The following GRIK4 variants were observed in gnomAD, a reference collection of about 807,000 sequenced individuals.
GRIK4 encodes the protein glutamate receptor ionotropic, kainate 4.
In GRIK4, 40 loss-of-function variants were observed where a neutral mutation model predicts 104.9. The observed-to-expected ratio is 0.38, with a 90% CI of 0.30 to 0.50. The LOEUF is 0.50. Ranked by LOEUF, GRIK4 falls within the 20% of genes least tolerant of loss-of-function variation. GRIK4 has a pLI of 0.93. For missense variants in GRIK4, 1,047 were observed against 1,308.1 expected, an observed-to-expected ratio of 0.80 and a Z score of 3.08; for synonymous variants, 485 against 524.9, an observed-to-expected ratio of 0.92 and a Z score of 1.04.
intron 2 of GRIK4, among the ~76,000 whole-genome samples, chr11:120,657,224 C>T (rs558598599): frequency 6.0e-4 from 91 of 152,326 alleles, no homozygotes; most frequent in African/African-American, 2.1e-3. Context: ...AGATTCCTGT[C>T]CTTGCCCCAC....
rs935456838 is a variant in GRIK4 at position 120,967,010 on chromosome 11, C to CG, written c.2267-180dup. On this transcript the variant is annotated intron_variant, in intron 18 of 20. Coordinates refer to ENST00000527524, the MANE Select transcript of GRIK4 (RefSeq NM_014619.5). The surrounding 1 kb of genome is among the most constrained non-coding windows in gnomAD (Gnocchi z 4.2). The stretch of plus-strand genomic sequence containing the variant: ...GTGAAGCCAGAATGCCCCGCTCTTC[C>CG]GGGGGAGCCCCAGTGGAGTAGACAG... 2.6e-5 allele frequency among the ~76,000 whole-genome samples: 4 copies of CG among 152,146 alleles called. No individual in the cohort carries two copies. Among genetic ancestry groups the CG allele is most frequent in the African/African-American group, 9.7e-5 (4 of 41,430 alleles).
chr11:120,591,911 CA>C (rs1948739037), intron 1 of GRIK4, among the ~76,000 whole-genome samples: 1 of 152,160 alleles, frequency 6.6e-6, no homozygotes, highest in South Asian at 2.1e-4. Context: ...CCAGCTGAAT[CA>C]GGGGAGAGAT....
intron 13 of GRIK4, among the ~76,000 whole-genome samples, chr11:120,908,578 A>G (rs1942923322): frequency 6.6e-6 from 1 of 152,130 alleles, no homozygotes; most frequent in South Asian, 2.1e-4. Context: ...AAGTCCACAG[A>G]CACAGAGGTG....
intron 11 of GRIK4, among the ~76,000 whole-genome samples, chr11:120,876,361 T>C (rs1283392248): frequency 2.6e-3 from 2 of 760 alleles, no homozygotes; most frequent in Non-Finnish European, 6.6e-3. Flanking sequence ...ACCACCCTCA[T>C]CACTACCACT....
Position 120,947,600 on chromosome 11 carries a change from G to A in GRIK4, c.1591-5255G>A, listed in dbSNP as rs979409351. On this transcript the variant is annotated intron_variant, in intron 14 of 20. Coordinates refer to ENST00000527524, the MANE Select transcript of GRIK4 (RefSeq NM_014619.5). ...ACTCTGTTCTAAGAAAATGGAAAAT[G>A]AATAGAGTTCTGTTCCTTAAAGCTA... is the stretch of plus-strand genomic sequence containing the variant. 1.2e-4 allele frequency among the ~76,000 whole-genome samples: 19 copies of A among 152,260 alleles called. 1 individual carries two copies. Among genetic ancestry groups the A allele is most frequent in the East Asian group, 5.8e-4 (3 of 5,192 alleles).
chr11:120,811,942 T>G (rs1402905733), intron 4 of GRIK4, among the ~76,000 whole-genome samples: 1 of 152,184 alleles, frequency 6.6e-6, no homozygotes, highest in African/African-American at 2.4e-5. Flanking sequence ...GTTCTAAGTA[T>G]GGAGGACACA....
At chr11:120,936,424 T>C in intron 13 of GRIK4, 1 of 262,044 alleles carries the variant, frequency 3.8e-6, no homozygotes, top group Non-Finnish European at 7.5e-6. Context: ...TTAGGAGAGA[T>C]ACGGGTTTCA....
chr11:120,896,221 C>G (rs1707493925), intron 11 of GRIK4, among the ~76,000 whole-genome samples: 1 of 152,186 alleles, frequency 6.6e-6, no homozygotes, highest in East Asian at 1.9e-4. Context: ...GGCAGGCTTC[C>G]TCAGGAAGAT....
At position 120,974,354 on chromosome 11, in the gene GRIK4, G is replaced by A. The variant is rs533276297; in HGVS notation, c.2395+7031G>A. Among the ~76,000 whole-genome samples the A allele has an allele frequency of 1.8e-4, 27 of 152,286 alleles. No individual in the cohort carries two copies. In the South Asian group the frequency reaches 2.5e-3, roughly 14 times the overall value. On this transcript the variant is annotated intron_variant, in intron 19 of 20. Transcript: ENST00000527524. ...AGAATTTGAATCAGTTGGCTTTCAC[G>A]TGTGCCTAAAGGAAGGAGAGAAATA...
chr11:120,749,959 G>T (rs928974375), intron 3 of GRIK4, among the ~76,000 whole-genome samples: 3 of 152,210 alleles, frequency 2.0e-5, no homozygotes, highest in Admixed American at 2.0e-4. Flanking sequence ...AATGTGCTTT[G>T]TTAGCTGTGT....
At chr11:120,811,737 T>C (rs1285425809) in intron 4 of GRIK4, among the ~76,000 whole-genome samples, 7 of 152,244 alleles carry the variant, frequency 4.6e-5, no homozygotes. Flanking sequence ...ATATTTTTAA[T>C]ACTATTATAA....
chr11:120,751,745 T>C (rs565371226), intron 3 of GRIK4, among the ~76,000 whole-genome samples: 50 of 152,304 alleles, frequency 3.3e-4, no homozygotes, highest in Non-Finnish European at 6.5e-4. Flanking sequence ...GCATCTTCGG[T>C]GAAGGGCCTG....
intron 3 of GRIK4, among the ~76,000 whole-genome samples, chr11:120,767,837 G>C (rs973800942): frequency 2.6e-5 from 4 of 152,102 alleles, no homozygotes; most frequent in African/African-American, 7.2e-5. Flanking sequence ...TGGTGCCCTT[G>C]TCAAAAATCA....
chr11:120,866,299 C>T (rs1943755127), intron 9 of GRIK4, among the ~76,000 whole-genome samples: 1 of 152,140 alleles, frequency 6.6e-6, no homozygotes, highest in South Asian at 2.1e-4. Flanking sequence ...CGGAGGAAAG[C>T]CCCTGAGTTC....
At chr11:120,656,278 G>C (rs181769251) in intron 2 of GRIK4, among the ~76,000 whole-genome samples, 1 of 152,328 alleles carries the variant, frequency 6.6e-6, no homozygotes, top group Admixed American at 6.5e-5. Context: ...TGGAGTGAGA[G>C]ACCTGGTTAG....
chr11:120,669,641 CCTT>C (rs1949980769), intron 3 of GRIK4, among the ~76,000 whole-genome samples: 1 of 152,228 alleles, frequency 6.6e-6, no homozygotes, highest in Non-Finnish European at 1.5e-5. Context: ...GTCTTTTCCT[CCTT>C]CTTCCTTGAA....
rs767516685 is a variant in GRIK4, at chr11:120,962,612, C to A, written c.2197C>A (p.Arg733=). The change falls in exon 18 of 21, where the codon CGA becomes AGA. Residue 733 remains arginine (R), a synonymous_variant. Coordinates refer to ENST00000527524, the MANE Select transcript of GRIK4 (RefSeq NM_014619.5). ...CACCATGAACGAGTACTATCGGCAG[C>A]GAAACTGCAACCTCACTCAGATTGG... ...ESTMNEYYRQ[R]NCNLTQIGGL... is the part of the protein sequence containing the mutation. 1.5e-5 allele frequency: 25 copies of A among 1,613,916 alleles called. No homozygotes were observed. The highest frequency in any genetic ancestry group is 1.9e-5 in the Non-Finnish European group (22 of 1,179,994).
chr11:120,947,802 G>A (rs962189716), intron 14 of GRIK4, among the ~76,000 whole-genome samples: 1 of 152,044 alleles, frequency 6.6e-6, no homozygotes, highest in African/African-American at 2.4e-5. Flanking sequence ...CCTTTCTATG[G>A]GGGAAGACAA....
At chr11:120,732,379 C>T (rs141375669) in intron 3 of GRIK4, among the ~76,000 whole-genome samples, 4,628 of 152,228 alleles carry the variant, frequency 0.03, 195 homozygotes, top group African/African-American at 0.098. Flanking sequence ...GTGATCTGCC[C>T]GCCTTGGCCT....
Sources: gnomAD v4.1 joint callset for allele counts (sites outside exome capture counted in the v4.1 genomes callset) on GRCh38, gnomAD v4.1.1 for gene constraint, Gnocchi (gnomAD v3.1) non-coding constraint, MANE v1.5 for transcripts, NCBI Gene and HGNC (gene_info 2026-07-23, HGNC 2026-07-21) for gene names.